KMT2C: variants seen among roughly 807,000 people sequenced by gnomAD.
KMT2C encodes the protein lysine methyltransferase 2C.
KMT2C carries 88 observed loss-of-function variants against 507.9 expected under a neutral mutation model. The observed-to-expected ratio is 0.17, with a 90% CI of 0.15 to 0.21. The LOEUF is 0.21. Ranked by LOEUF, KMT2C falls within the 10% of genes least tolerant of loss-of-function variation. KMT2C has a pLI of 1.00. For synonymous variants in KMT2C, 2,049 were observed against 2,080.8 expected, an observed-to-expected ratio of 0.98 and a Z score of 0.42; for missense variants, 4,954 against 5,957.8, an observed-to-expected ratio of 0.83 and a Z score of 5.55.
intron 23 of KMT2C, among the ~76,000 whole-genome samples, chr7:152,210,252 G>A (rs550313078): frequency 6.6e-6 from 1 of 152,258 alleles, no homozygotes; most frequent in South Asian, 2.1e-4. Context: ...GGAAACCAGA[G>A]GGTTCACCAA....
At chr7:152,323,693 AGAAG>A (rs200500344) in intron 3 of KMT2C, among the ~76,000 whole-genome samples, 4,333 of 146,204 alleles carry the variant, frequency 0.03, 212 homozygotes, top group African/African-American at 0.1. Flanking sequence ...AAAAAAGGAA[AGAAG>A]GAAGGAAGGA....
At chr7:152,206,410 C>T (rs1274500316) in intron 24 of KMT2C, among the ~76,000 whole-genome samples, 2 of 152,046 alleles carry the variant, frequency 1.3e-5, no homozygotes, top group Non-Finnish European at 2.9e-5. Context: ...TCAGAAGCAA[C>T]TAATCTTAGG....
At chr7:152,169,149 T>A in intron 41 of KMT2C, 37 bp downstream of exon 41, 2 of 1,285,514 alleles carry the variant, frequency 1.6e-6, no homozygotes, top group Non-Finnish European at 2.3e-6. Flanking sequence ...AGACAAGCAA[T>A]CCCCAGAAAA....
Position 152,138,482 on chromosome 7 carries a change from G to A in KMT2C, c.14643+314C>T, listed in dbSNP as rs985128336. ...AGGGGACACTGCCAAACTGTGTCCAGGTTAAGGGGATAAAGAAGGATCCTA... is the reference window on the plus strand; with the variant it reads ...AGGGGACACTGCCAAACTGTGTCCAAGTTAAGGGGATAAAGAAGGATCCTA... On this transcript the variant is annotated intron_variant, in intron 58 of 58. Transcript: ENST00000262189. The surrounding 1 kb of genome is among the most constrained non-coding windows in gnomAD (Gnocchi z 4.2). 9 of 232,434 alleles carry A rather than the reference G, an allele frequency of 3.9e-5. No individual in the cohort carries two copies. The highest frequency in any genetic ancestry group is 1.9e-4 in the African/African-American group (8 of 42,762). 14.4% of individuals were successfully genotyped at this position (232,434 alleles called of 1,614,324 possible).
intron 2 of KMT2C, among the ~76,000 whole-genome samples, chr7:152,355,570 CA>C (rs796323234): frequency 2.0e-5 from 3 of 150,042 alleles, no homozygotes; most frequent in East Asian, 2.0e-4. Flanking sequence ...AACAAACAAA[CA>C]AAAAAAAACC....
chr7:152,286,870 G>A (rs1257729243), intron 6 of KMT2C, among the ~76,000 whole-genome samples: 2 of 152,158 alleles, frequency 1.3e-5, no homozygotes, highest in Admixed American at 6.5e-5. Context: ...AAAACTCCAA[G>A]AAAATTCTGC....
intron 6 of KMT2C, among the ~76,000 whole-genome samples, chr7:152,279,969 A>G (rs1271900128): frequency 1.1e-4 from 2 of 18,932 alleles, no homozygotes; most frequent in Non-Finnish European, 3.5e-4. Context: ...CATGGCAAGG[A>G]TAATGCCATT....
chr7:152,357,156 G>A (rs1164623697), intron 2 of KMT2C, among the ~76,000 whole-genome samples: 2 of 150,168 alleles, frequency 1.3e-5, no homozygotes, highest in Admixed American at 6.6e-5. Context: ...GAGCCCGGCG[G>A]GTGGAGGTTG....
intron 3 of KMT2C, among the ~76,000 whole-genome samples, chr7:152,327,405 G>C (rs2096838858): frequency 6.6e-6 from 1 of 152,148 alleles, no homozygotes; most frequent in African/African-American, 2.4e-5. Context: ...AACCAAGCAA[G>C]AAGGTTAAGA....
intron 7 of KMT2C, among the ~76,000 whole-genome samples, chr7:152,269,332 A>G (rs577716907): frequency 9.2e-5 from 14 of 152,366 alleles, no homozygotes; most frequent in Non-Finnish European, 1.6e-4. Flanking sequence ...GTGAAACACA[A>G]TAATTTTTAA....
Position 152,321,671 on chromosome 7 carries a change from A to G in KMT2C, c.390-6333T>C, listed in dbSNP as rs534504713. ...AATTAATGTAATAATCCCATTTACA[A>G]TAGCAACAAAAAAATTAAATACTTA... On this transcript the variant is annotated intron_variant, in intron 3 of 58. Transcript: ENST00000262189. Among the ~76,000 whole-genome samples the G allele has an allele frequency of 1.3e-3, 192 of 152,150 alleles. 1 individual carries two copies. Among genetic ancestry groups the G allele is most frequent in the Middle Eastern group, 3.4e-3 (1 of 294 alleles).
At chr7:152,398,986 C>T (rs2097554660) in intron 1 of KMT2C, among the ~76,000 whole-genome samples, 1 of 151,242 alleles carries the variant, frequency 6.6e-6, no homozygotes, top group Admixed American at 6.6e-5. Context: ...ACCACCAAGC[C>T]CAGCTAATTT....
At chr7:152,429,353 A>C (rs1288688549) in intron 1 of KMT2C, among the ~76,000 whole-genome samples, 1 of 152,196 alleles carries the variant, frequency 6.6e-6, no homozygotes, top group Non-Finnish European at 1.5e-5. Context: ...TTAACAGCAG[A>C]AACAAAGTGA....
At chr7:152,322,638 T>C (rs917669880) in intron 3 of KMT2C, among the ~76,000 whole-genome samples, 1 of 152,004 alleles carries the variant, frequency 6.6e-6, no homozygotes, top group East Asian at 1.9e-4. Flanking sequence ...AAGTTCCATG[T>C]GGGCAATAAC....
At chr7:152,257,861 A>G (rs2095686386) in intron 9 of KMT2C, among the ~76,000 whole-genome samples, 1 of 147,596 alleles carries the variant, frequency 6.8e-6, no homozygotes, top group Non-Finnish European at 1.5e-5. Flanking sequence ...AGCTACACAC[A>G]CACGCACACA....
intron 42 of KMT2C, among the ~76,000 whole-genome samples, chr7:152,164,290 CA>C (rs1005696607): frequency 3.3e-5 from 5 of 149,988 alleles, no homozygotes; most frequent in South Asian, 2.1e-4. Flanking sequence ...AATTGTACAA[CA>C]TTTTTTTTTT....
At chr7:152,329,624 T>G (rs1277484076) in intron 3 of KMT2C, among the ~76,000 whole-genome samples, 19 of 115,256 alleles carry the variant, frequency 1.6e-4, no homozygotes, top group Middle Eastern at 6.3e-3. Flanking sequence ...GAAAAGGAAG[T>G]AGAAGGGAAA....
chr7:152,238,325 T>C (rs1477928809), intron 15 of KMT2C, among the ~76,000 whole-genome samples: 2 of 152,092 alleles, frequency 1.3e-5, no homozygotes, highest in Non-Finnish European at 2.9e-5. Context: ...CAATGAAATA[T>C]GCCACAATTT....
chr7:152,281,392 T>G (rs2096205397), intron 6 of KMT2C, among the ~76,000 whole-genome samples: 1 of 149,826 alleles, frequency 6.7e-6, no homozygotes, highest in African/African-American at 2.6e-5. Flanking sequence ...TCAGTAAGCA[T>G]TATTATTTGC....
Sources: allele counts gnomAD v4.1 joint callset (sites outside exome capture counted in the v4.1 genomes callset), GRCh38; gene constraint gnomAD v4.1.1; non-coding constraint Gnocchi (gnomAD v3.1); transcripts MANE v1.5; gene names NCBI Gene and HGNC (gene_info 2026-07-23, HGNC 2026-07-21).